TNFRSF11A: variants seen among roughly 807,000 people sequenced by gnomAD.
TNFRSF11A encodes the protein TNF receptor superfamily member 11a.
In TNFRSF11A, 32 loss-of-function variants were observed where a neutral mutation model predicts 55.7. The observed-to-expected ratio is 0.57, with a 90% CI of 0.43 to 0.77. The LOEUF is 0.77. Among genes scored for constraint, TNFRSF11A ranks in the 30% least tolerant of loss-of-function variants. The pLI, the probability that TNFRSF11A is intolerant of heterozygous loss-of-function variation, is 0.00. For missense variants in TNFRSF11A, 753 were observed against 809.8 expected, an observed-to-expected ratio of 0.93 and a Z score of 0.85; for synonymous variants, 311 against 331.0, an observed-to-expected ratio of 0.94 and a Z score of 0.65.
At chr18:62,343,455 C>T (rs984919809) in intron 1 of TNFRSF11A, among the ~76,000 whole-genome samples, 4 of 152,190 alleles carry the variant, frequency 2.6e-5, no homozygotes, top group Non-Finnish European at 5.9e-5. Flanking sequence ...ATTCTAAATA[C>T]AGATCTGCTC....
chr18:62,334,065 C>A (rs896038824), intron 1 of TNFRSF11A, among the ~76,000 whole-genome samples: 4 of 152,102 alleles, frequency 2.6e-5, no homozygotes, highest in African/African-American at 7.2e-5. Context: ...GGGTTTTCGA[C>A]ATGTTGGCCA....
At chr18:62,365,195 G>A (rs1342672264) in intron 7 of TNFRSF11A, among the ~76,000 whole-genome samples, 4 of 152,034 alleles carry the variant, frequency 2.6e-5, no homozygotes, top group Non-Finnish European at 4.4e-5. Context: ...CTCCTGAGCT[G>A]AAGCGGTCCG....
chr18:62,354,545 G>C lies in TNFRSF11A; in HGVS notation c.427+11G>C, dbSNP rs750843265. 6.2e-7 allele frequency: 1 copy of C among 1,602,444 alleles called. No individual in the cohort carries two copies. Among genetic ancestry groups the C allele is most frequent in the Non-Finnish European group, 8.5e-7 (1 of 1,179,472 alleles). On this transcript the variant is annotated intron_variant, in intron 4 of 9. Transcript: ENST00000586569. ...GCGCCCAGCACCCGTGTACGGGTTGGATGTGTGCGTCTGTCGGCTCTTGCT... is the reference window on the plus strand; with the variant it reads ...GCGCCCAGCACCCGTGTACGGGTTGCATGTGTGCGTCTGTCGGCTCTTGCT...
chr18:62,335,136 T>A (rs1192185757), intron 1 of TNFRSF11A, among the ~76,000 whole-genome samples: 2 of 151,070 alleles, frequency 1.3e-5, no homozygotes, highest in East Asian at 3.9e-4. Context: ...GGAATTTTTT[T>A]TTTTTTTTTG....
intron 1 of TNFRSF11A, among the ~76,000 whole-genome samples, chr18:62,326,337 A>G (rs2046075514): frequency 6.6e-6 from 1 of 152,204 alleles, no homozygotes; most frequent in African/African-American, 2.4e-5. Flanking sequence ...TTGGGTGAGA[A>G]GAGAGGGGAA....
At chr18:62,377,721 A>ATTTT (rs1299313014) in intron 9 of TNFRSF11A, among the ~76,000 whole-genome samples, 1 of 152,132 alleles carries the variant, frequency 6.6e-6, no homozygotes, top group Non-Finnish European at 1.5e-5. Flanking sequence ...CCTTGGGTCC[A>ATTTT]TTTTTTAATC....
intron 9 of TNFRSF11A, among the ~76,000 whole-genome samples, chr18:62,371,896 T>A (rs1268669332): frequency 4.6e-5 from 7 of 152,234 alleles, no homozygotes; most frequent in African/African-American, 1.7e-4. Context: ...GCCCCTGTGC[T>A]CTCAGGACTG....
At position 62,386,271 on chromosome 18, in the gene TNFRSF11A, AT is replaced by A. The variant is rs1322156418; in HGVS notation, c.*1240del. 6.6e-6 allele frequency: 1 copy of A among 151,796 alleles called. No individual in the cohort carries two copies. Among genetic ancestry groups the A allele is most frequent in the Non-Finnish European group, 1.5e-5 (1 of 68,024 alleles). 9.4% of individuals were successfully genotyped at this position (151,796 alleles called of 1,614,324 possible). On this transcript the variant is annotated 3_prime_UTR_variant, in exon 10 of 10. Coordinates refer to ENST00000586569, the MANE Select transcript of TNFRSF11A (RefSeq NM_003839.4). ...AAGGAAGAATAAAGTTGAAATTTTA[AT>A]TTGCATTTTTTTTGTCTAGATAAGA...
intron 1 of TNFRSF11A, among the ~76,000 whole-genome samples, chr18:62,341,836 CTTTTTTTT>C (rs34047775): frequency 4.7e-5 from 4 of 85,216 alleles, no homozygotes; most frequent in Non-Finnish European, 6.4e-5. Flanking sequence ...CTGAGAATGG[CTTTTTTTT>C]TTTTTTTTTT....
At chr18:62,361,154 G>A (rs1308983437) in intron 6 of TNFRSF11A, among the ~76,000 whole-genome samples, 1 of 152,176 alleles carries the variant, frequency 6.6e-6, no homozygotes, top group Non-Finnish European at 1.5e-5. Context: ...TTTGAGCAAG[G>A]ATTCTAGCAA....
Position 62,325,544 on chromosome 18 carries a change from T to G in TNFRSF11A, c.75+117T>G, listed in dbSNP as rs1156733860. On this transcript the variant is annotated intron_variant, in intron 1 of 9. Transcript: ENST00000586569. This position sits in a 1 kb window ranked among gnomAD's most constrained non-coding sequence, Gnocchi z 4.7. ...CGCCTTCCGAGAGGAGCCGGAGTTT[T>G]GGGGAGCGGAGGCCGTGGGAAGCTG... The G allele has an allele frequency of 6.9e-5, 39 of 567,694 alleles. 1 individual carries two copies. In the South Asian group the frequency reaches 1.3e-3, roughly 19 times the overall value. The allele number at this position is 567,694 out of a possible 1,614,324, so 35.2% of individuals were successfully genotyped here. A position where few individuals can be genotyped will look rare whatever the true frequency, so the allele number is the denominator to read the frequency against.
chr18:62,335,237 A>T (rs1219326947), intron 1 of TNFRSF11A, among the ~76,000 whole-genome samples: 1 of 151,448 alleles, frequency 6.6e-6, no homozygotes, highest in Non-Finnish European at 1.5e-5. Flanking sequence ...CCTCCCAAGT[A>T]GCTGGGATGA....
chr18:62,326,421 G>A (rs984343168), intron 1 of TNFRSF11A, among the ~76,000 whole-genome samples: 6 of 152,220 alleles, frequency 3.9e-5, no homozygotes, highest in Non-Finnish European at 5.9e-5. Flanking sequence ...ATTCCCAATT[G>A]TATGGGTCTG....
At chr18:62,348,370 G>A in intron 2 of TNFRSF11A, 121 bp downstream of exon 2, 1 of 816,486 alleles carries the variant, frequency 1.2e-6, no homozygotes, top group South Asian at 1.4e-5. Context: ...AGTGGCAGGT[G>A]GTAATGTCTG....
chr18:62,335,774 T>C (rs2046224050), intron 1 of TNFRSF11A, among the ~76,000 whole-genome samples: 1 of 152,192 alleles, frequency 6.6e-6, no homozygotes, highest in Non-Finnish European at 1.5e-5. Flanking sequence ...AGGGCGTGCT[T>C]GGGAGTGTGA....
intron 6 of TNFRSF11A, 120 bp downstream of exon 6, chr18:62,360,169 G>T (rs1909571789): frequency 2.7e-6 from 2 of 732,884 alleles, no homozygotes; most frequent in Non-Finnish European, 2.5e-6. Context: ...TTCATCCCGT[G>T]CATGGTCAGC....
In TNFRSF11A at chr18:62,335,129, A is replaced by ATTTTTTTTTTT. The variant is rs11289576; in HGVS notation, c.75+9708_75+9718dup. On this transcript the variant is annotated intron_variant, in intron 1 of 9. Coordinates refer to ENST00000586569, the MANE Select transcript of TNFRSF11A (RefSeq NM_003839.4). The stretch of plus-strand genomic sequence containing the variant: ...CTGTGACCAAGCCACTGGGGTCGGA[A>ATTTTTTTTTTT]TTTTTTTTTTTTTTTTGTTACCCAG... Among the ~76,000 whole-genome samples, 63 of 140,766 alleles carry ATTTTTTTTTTT rather than the reference A, an allele frequency of 4.5e-4. 3 individuals are homozygous for ATTTTTTTTTTT. The highest frequency in any genetic ancestry group is 3.9e-3 in the Middle Eastern group (1 of 254). The allele number at this position is 140,766 out of a possible 152,430, so 92.3% of individuals were successfully genotyped here. A position where few individuals can be genotyped will look rare whatever the true frequency, so the allele number is the denominator to read the frequency against.
At chr18:62,341,918 T>C (rs1461012405) in intron 1 of TNFRSF11A, among the ~76,000 whole-genome samples, 1 of 146,554 alleles carries the variant, frequency 6.8e-6, no homozygotes, top group East Asian at 2.1e-4. Flanking sequence ...CATTCTTCTC[T>C]CCGGGTCAAA....
At chr18:62,362,490 CAA>C (rs57219485) in intron 7 of TNFRSF11A, among the ~76,000 whole-genome samples, 13,446 of 76,296 alleles carry the variant, frequency 0.18, 495 homozygotes, top group South Asian at 0.25. Flanking sequence ...AACTTCATCT[CAA>C]AAAAAAAAAA....
Sources: gnomAD v4.1 joint callset for allele counts (sites outside exome capture counted in the v4.1 genomes callset) on GRCh38, gnomAD v4.1.1 for gene constraint, Gnocchi (gnomAD v3.1) non-coding constraint, MANE v1.5 for transcripts, NCBI Gene and HGNC (gene_info 2026-07-23, HGNC 2026-07-21) for gene names.